Variants in PCDH15 observed in about 807,000 individuals in gnomAD.
PCDH15 encodes the protein protocadherin-15.
Under a neutral mutation model 178.5 loss-of-function variants are expected in PCDH15, and 129 were observed. That is an observed-to-expected ratio of 0.72 (90% CI 0.63 to 0.84). PCDH15 has a LOEUF of 0.84. Among genes scored for constraint, PCDH15 ranks in the 40% least tolerant of loss-of-function variants. The pLI is 0.00. For synonymous variants in PCDH15, 800 were observed against 732.0 expected (o/e 1.09, Z -1.50); for missense variants, 2,230 against 2,099.9 (o/e 1.06, Z -1.21).
chr10:53,927,578 T>A (rs2084675754), intron 25 of PCDH15, among the ~76,000 whole-genome samples: 1 of 152,066 alleles, frequency 6.6e-6, no homozygotes, highest in African/African-American at 2.4e-5. Flanking sequence ...AAAGGTGGAG[T>A]AGTACAACAA....
intron 24 of PCDH15, among the ~76,000 whole-genome samples, chr10:53,939,595 A>G (rs2085874141): frequency 1.3e-5 from 2 of 152,036 alleles, no homozygotes; most frequent in Non-Finnish European, 2.9e-5. Flanking sequence ...ATAATCCCTT[A>G]TAATACTATA....
chr10:54,869,347 G>A (rs1162176658), intron 3 of PCDH15, among the ~76,000 whole-genome samples: 2 of 152,102 alleles, frequency 1.3e-5, no homozygotes, highest in Non-Finnish European at 2.9e-5. Flanking sequence ...CCAACATTAT[G>A]ATTTCAAACT....
chr10:54,948,348 T>C (rs1838243287), intron 2 of PCDH15, among the ~76,000 whole-genome samples: 1 of 151,968 alleles, frequency 6.6e-6, no homozygotes, highest in Non-Finnish European at 1.5e-5. Context: ...TTTTATTCTA[T>C]TCAGGTCATC....
At chr10:54,656,317 G>A (rs1266852047) in intron 2 of PCDH15, among the ~76,000 whole-genome samples, 1 of 132,614 alleles carries the variant, frequency 7.5e-6, no homozygotes, top group Non-Finnish European at 1.7e-5. Context: ...TGACCCCCAA[G>A]GAACTTAGAG....
intron 2 of PCDH15, chr10:54,528,432 G>C (rs779384688): frequency 6.4e-7 from 1 of 1,550,868 alleles, no homozygotes; most frequent in Non-Finnish European, 8.8e-7. Flanking sequence ...GTCATCAATG[G>C]AAGCAGATCA....
intron 1 of PCDH15, among the ~76,000 whole-genome samples, chr10:54,693,206 C>T (rs1178570296): frequency 6.6e-6 from 1 of 151,454 alleles, no homozygotes; most frequent in Admixed American, 6.6e-5. Flanking sequence ...TTCTCCTTAC[C>T]CTTCTCTTTT....
intron 3 of PCDH15, among the ~76,000 whole-genome samples, chr10:54,498,158 T>A (rs764272798): frequency 6.6e-6 from 1 of 152,088 alleles, no homozygotes; most frequent in Non-Finnish European, 1.5e-5. Context: ...ATATACAGCA[T>A]ACTTAAAGAA....
chr10:55,142,785 C>A, intron 2 of PCDH15, among the ~76,000 whole-genome samples: 1 of 151,410 alleles, frequency 6.6e-6, no homozygotes, highest in Non-Finnish European at 1.5e-5. Context: ...AGTATCTTGC[C>A]TTCTTTTGGG....
intron 2 of PCDH15, among the ~76,000 whole-genome samples, chr10:54,964,592 G>A (rs1204131838): frequency 6.6e-6 from 1 of 152,088 alleles, no homozygotes; most frequent in Non-Finnish European, 1.5e-5. Context: ...CAGATATGAA[G>A]ACAACCTGTT....
intron 26 of PCDH15, among the ~76,000 whole-genome samples, chr10:53,885,129 C>G (rs944936558): frequency 6.6e-5 from 10 of 152,136 alleles, no homozygotes; most frequent in Non-Finnish European, 2.9e-5. Context: ...TACCTATATA[C>G]AATGGGGTAC....
chr10:55,087,474 G>A lies in PCDH15; in HGVS notation c.-80+79102C>T, dbSNP rs746231967. Among the ~76,000 whole-genome samples the A allele has an allele frequency of 3.4e-4, 52 of 152,128 alleles. 1 individual carries two copies. Among genetic ancestry groups the A allele is most frequent in the Non-Finnish European group, 4.4e-4 (30 of 68,022 alleles). The stretch of plus-strand genomic sequence containing the variant: ...ACCAGGTTGACAGGTGCTATTTTTG[G>A]TATAATGAAATGGAAGAAAGAGATG... On this transcript the variant is annotated intron_variant, in intron 2 of 5. Coordinates refer to the PCDH15 transcript ENST00000458638.
At chr10:53,923,336 C>T (rs976205208) in intron 25 of PCDH15, among the ~76,000 whole-genome samples, 30 of 152,142 alleles carry the variant, frequency 2.0e-4, no homozygotes, top group African/African-American at 5.3e-4. Flanking sequence ...ATTGAACTTA[C>T]GAAAGTTCCT....
At chr10:55,193,618 T>A (rs1840001527) in intron 1 of PCDH15, among the ~76,000 whole-genome samples, 1 of 152,018 alleles carries the variant, frequency 6.6e-6, no homozygotes, top group Admixed American at 6.6e-5. Context: ...AATTTAATAA[T>A]TCAATAAATT....
At chr10:54,464,457 G>A (rs1387327942) in intron 3 of PCDH15, among the ~76,000 whole-genome samples, 1 of 152,130 alleles carries the variant, frequency 6.6e-6, no homozygotes, top group African/African-American at 2.4e-5. Flanking sequence ...AGAGGAACTA[G>A]GAGTTTATAT....
intron 25 of PCDH15, among the ~76,000 whole-genome samples, chr10:53,936,645 TAC>T (rs1350574849): frequency 6.6e-6 from 1 of 152,172 alleles, no homozygotes; most frequent in Non-Finnish European, 1.5e-5. Context: ...TCTAAAATTT[TAC>T]ATTTTAATTA....
chr10:54,831,136 A>G (rs1564548565), intron 3 of PCDH15, among the ~76,000 whole-genome samples: 1 of 152,132 alleles, frequency 6.6e-6, no homozygotes, highest in Non-Finnish European at 1.5e-5. Context: ...AGCGTAGAAC[A>G]TCTATTTAAC....
At chr10:54,235,999 A>G (rs1379387902) in intron 9 of PCDH15, among the ~76,000 whole-genome samples, 1 of 152,298 alleles carries the variant, frequency 6.6e-6, no homozygotes, top group East Asian at 1.9e-4. Context: ...TGCAAATCTA[A>G]TATCTGTTGG....
At chr10:55,164,856 G>A (rs1839155934) in intron 2 of PCDH15, among the ~76,000 whole-genome samples, 1 of 152,078 alleles carries the variant, frequency 6.6e-6, no homozygotes, top group Non-Finnish European at 1.5e-5. Context: ...AAAGGTGTAC[G>A]TGTAGAGTAC....
At chr10:55,356,827 A>T (rs952009875) in intron 2 of PCDH15, among the ~76,000 whole-genome samples, 2 of 151,932 alleles carry the variant, frequency 1.3e-5, no homozygotes, top group Non-Finnish European at 2.9e-5. Context: ...GTAGTAGAAG[A>T]CTCAAAATTG....
Sources: allele counts gnomAD v4.1 joint callset (sites outside exome capture counted in the v4.1 genomes callset), GRCh38; gene constraint gnomAD v4.1.1; transcripts MANE v1.5; gene names NCBI Gene and HGNC (gene_info 2026-07-23, HGNC 2026-07-21).